Variants in HIVEP3 observed in about 807,000 individuals in gnomAD.
HIVEP3 encodes the protein HIVEP zinc finger 3, also known as transcription factor HIVEP3.
Under a neutral mutation model 152.8 loss-of-function variants are expected in HIVEP3, and 49 were observed. The observed-to-expected ratio is 0.32, with a 90% CI of 0.26 to 0.41. The LOEUF (loss-of-function observed/expected upper bound fraction) is 0.41, where lower values mean the gene tolerates loss of function less well. HIVEP3 is among the 10% of genes least tolerant of loss of function. HIVEP3 has a pLI of 1.00. For synonymous variants in HIVEP3, 1,269 were observed against 1,289.0 expected (o/e 0.98, Z 0.33); for missense variants, 2,790 against 3,103.3 (o/e 0.90, Z 2.40).
Position 41,510,345 on chromosome 1 carries a change from A to C in HIVEP3, c.*106T>G. 9.9e-7 allele frequency: 1 copy of C among 1,011,172 alleles called. No individual in the cohort carries two copies. Among genetic ancestry groups the C allele is most frequent in the Non-Finnish European group, 1.3e-6 (1 of 741,726 alleles). 62.6% of individuals were successfully genotyped at this position (1,011,172 alleles called of 1,614,324 possible). On this transcript the variant is annotated 3_prime_UTR_variant, in exon 9 of 9. Coordinates refer to ENST00000372583, the MANE Select transcript of HIVEP3 (RefSeq NM_024503.5). ...CAGATGGGGCCGTGAGAGCTCCTGG[A>C]CGGAGGGACAGATGGGGCTGAGGAA... is the stretch of plus-strand genomic sequence containing the variant.
intron 1 of HIVEP3, among the ~76,000 whole-genome samples, chr1:41,772,267 A>C (rs1648424302): frequency 6.6e-6 from 1 of 152,160 alleles, no homozygotes; most frequent in Admixed American, 6.5e-5. Context: ...TCTTCTAATC[A>C]TGTGGAATCC....
chr1:41,541,585 G>C (rs1444953072), intron 5 of HIVEP3, among the ~76,000 whole-genome samples: 2 of 152,272 alleles, frequency 1.3e-5, no homozygotes, highest in Admixed American at 6.5e-5. Context: ...CCTGAGCTCA[G>C]ATCCAACCCC....
chr1:41,930,662 T>C (rs140748459), intron 1 of HIVEP3, among the ~76,000 whole-genome samples: 2 of 152,258 alleles, frequency 1.3e-5, no homozygotes, highest in Non-Finnish European at 2.9e-5. Flanking sequence ...ATAATAAGTA[T>C]ATCTTTAATT....
intron 1 of HIVEP3, among the ~76,000 whole-genome samples, chr1:41,893,759 T>C (rs889166028): frequency 1.4e-5 from 2 of 147,738 alleles, no homozygotes; most frequent in Admixed American, 6.8e-5. Context: ...TATATTCATA[T>C]ATACATATTT....
chr1:41,629,902 C>A (rs981272770), intron 2 of HIVEP3, among the ~76,000 whole-genome samples: 5 of 152,172 alleles, frequency 3.3e-5, no homozygotes, highest in Non-Finnish European at 5.9e-5. Context: ...AACGACCATT[C>A]GACCCAGAAA....
At chr1:41,765,067 T>C (rs1413746917) in intron 1 of HIVEP3, among the ~76,000 whole-genome samples, 1 of 152,248 alleles carries the variant, frequency 6.6e-6, no homozygotes, top group Non-Finnish European at 1.5e-5. Flanking sequence ...AATTTGGATC[T>C]TGCAATCTCT....
intron 1 of HIVEP3, among the ~76,000 whole-genome samples, chr1:42,022,427 A>G (rs1031432291): frequency 9.2e-5 from 14 of 152,158 alleles, no homozygotes; most frequent in Admixed American, 7.9e-4. Flanking sequence ...CCTGCATGAT[A>G]TATTTCCCAA....
chr1:41,888,290 A>G lies in HIVEP3; in HGVS notation c.-801+30123T>C, dbSNP rs370511313. ...GATGGTCTCAATCTCCTGACTTCGT[A>G]ATCTGCCCACCTTGGCCTCCCAAAG... On this transcript the variant is annotated intron_variant, in intron 1 of 8. Transcript: ENST00000372583. Among the ~76,000 whole-genome samples the G allele has an allele frequency of 7.7e-3, 1,082 of 141,058 alleles. 10 individuals carry two copies. Among genetic ancestry groups the G allele is most frequent in the African/African-American group, 0.027 (1,020 of 37,378 alleles). The allele number at this position is 141,058 out of a possible 152,430, so 92.5% of individuals were successfully genotyped here. A position where few individuals can be genotyped will look rare whatever the true frequency, so the allele number is the denominator to read the frequency against.
intron 1 of HIVEP3, among the ~76,000 whole-genome samples, chr1:41,736,890 T>G (rs962307715): frequency 6.6e-6 from 1 of 152,120 alleles, no homozygotes; most frequent in Admixed American, 6.5e-5. Flanking sequence ...CTGGCTCTTT[T>G]TCTACCCAGA....
intron 1 of HIVEP3, among the ~76,000 whole-genome samples, chr1:41,989,648 AC>A (rs1406690506): frequency 6.6e-6 from 1 of 152,178 alleles, no homozygotes; most frequent in East Asian, 1.9e-4. Flanking sequence ...CAAAACAACA[AC>A]AAAAAAAGCC....
upstream of HIVEP3, among the ~76,000 whole-genome samples, chr1:41,920,965 C>T (rs1570812420): frequency 6.6e-6 from 1 of 152,286 alleles, no homozygotes; most frequent in East Asian, 1.9e-4. Flanking sequence ...CTGTCCTTTT[C>T]AGTAAAAGTT....
At position 42,002,695 on chromosome 1, in the gene HIVEP3, G is replaced by A. The variant is rs182847497; in HGVS notation, n.119+33112C>T. On this transcript the variant is annotated intron_variant and non_coding_transcript_variant, in intron 1 of 3. Transcript: ENST00000489103. ...TCCAGATATGGGAACTGCCTCCAAG[G>A]GCCAGTCAGATGGACCCCTGGGGTT... 2.6e-3 allele frequency among the ~76,000 whole-genome samples: 394 copies of A among 152,222 alleles called. 3 individuals are homozygous for A. Among genetic ancestry groups the A allele is most frequent in the African/African-American group, 9.2e-3 (381 of 41,520 alleles).
intron 1 of HIVEP3, among the ~76,000 whole-genome samples, chr1:41,983,575 A>G (rs1240076587): frequency 6.6e-6 from 1 of 152,156 alleles, no homozygotes; most frequent in East Asian, 1.9e-4. Flanking sequence ...AACAGCTAAT[A>G]AAGGTGCAGC....
Position 41,582,993 on chromosome 1 carries a change from C to G in HIVEP3, c.1805G>C (p.Ser602Thr), listed in dbSNP as rs373960096. Residue 602 changes from serine (S) to threonine (T), a missense_variant, in exon 4 of 9, where the codon AGT becomes ACT. By Grantham distance (58) the Ser-to-Thr change is moderately conservative (BLOSUM62 1). Around this residue, in one of 9 missense-constraint regions of HIVEP3, gnomAD observed 339 missense variants for 327.0 expected, o/e 1.04. Transcript: ENST00000372583. The surrounding 1 kb of genome is among the most constrained non-coding windows in gnomAD (Gnocchi z 4.7). ...AIELPLGGEY[S>T]SEEPGPSSKD... Reference sequence around the variant, plus strand: ...GCTGCTTGGGCCAGGCTCCTCAGAACTGTATTCCCCTCCCAAAGGTAATTC... The same window carrying G: ...GCTGCTTGGGCCAGGCTCCTCAGAAGTGTATTCCCCTCCCAAAGGTAATTC... 14 of 1,614,002 alleles carry G rather than the reference C, an allele frequency of 8.7e-6. No homozygotes were observed. The African/African-American group carries it at 1.2e-4, about 14-fold the overall frequency.
At chr1:41,860,288 C>A (rs1167613012) in intron 1 of HIVEP3, among the ~76,000 whole-genome samples, 1 of 152,170 alleles carries the variant, frequency 6.6e-6, no homozygotes, top group Non-Finnish European at 1.5e-5. Context: ...AGATGGAAAA[C>A]CTTCGTGGTC....
intron 5 of HIVEP3, among the ~76,000 whole-genome samples, chr1:41,527,114 AC>A (rs1228875167): frequency 8.9e-6 from 1 of 111,942 alleles, no homozygotes; most frequent in East Asian, 3.0e-4. Context: ...ACCCTCACAC[AC>A]CCTCTTCCTC....
At chr1:41,658,187 C>T (rs1645657147) in intron 2 of HIVEP3, among the ~76,000 whole-genome samples, 1 of 152,224 alleles carries the variant, frequency 6.6e-6, no homozygotes, top group Admixed American at 6.5e-5. Flanking sequence ...AATATCACAA[C>T]TCAAAACCGC....
rs1238768829 is a variant in HIVEP3 at position 41,507,146 on chromosome 1, T to C, written c.*3305A>G. 2 of 152,174 alleles carry C rather than the reference T, an allele frequency of 1.3e-5. No individual in the cohort carries two copies. The highest frequency in any genetic ancestry group is 2.9e-5 in the Non-Finnish European group (2 of 68,038). 9.4% of individuals were successfully genotyped at this position (152,174 alleles called of 1,614,324 possible). On this transcript the variant is annotated 3_prime_UTR_variant, in exon 9 of 9. Coordinates refer to ENST00000372583, the MANE Select transcript of HIVEP3 (RefSeq NM_024503.5). ...ACTAGAGAGAAATCCAGCTCAGATG[T>C]ATTGCTCATTCCTCTTCAGAAGGAC...
At chr1:41,646,837 G>A (rs1056544114) in intron 2 of HIVEP3, among the ~76,000 whole-genome samples, 1 of 152,158 alleles carries the variant, frequency 6.6e-6, no homozygotes, top group African/African-American at 2.4e-5. Flanking sequence ...GAGGTCTGGA[G>A]GTCACACATC....
Sources: allele counts gnomAD v4.1 joint callset (sites outside exome capture counted in the v4.1 genomes callset), GRCh38; gene constraint gnomAD v4.1.1; regional missense constraint gnomAD v4.1.1; non-coding constraint Gnocchi (gnomAD v3.1); transcripts MANE v1.5; gene names NCBI Gene and HGNC (gene_info 2026-07-23, HGNC 2026-07-21).